The following NOL4 variants were observed in gnomAD, a reference collection of about 807,000 sequenced individuals.
NOL4 encodes cancer/testis antigen 125.
A neutral mutation model predicts 75.9 loss-of-function variants in NOL4; 17 were observed. That is an observed-to-expected ratio of 0.22 (90% CI 0.15 to 0.34). NOL4 has a LOEUF of 0.34. Ranked by LOEUF, NOL4 falls within the 10% of genes least tolerant of loss-of-function variation. The pLI, the probability that NOL4 is intolerant of heterozygous loss-of-function variation, is 1.00. For missense variants in NOL4, 614 were observed against 793.5 expected (o/e 0.77, Z 2.72); for synonymous variants, 292 against 289.9 (o/e 1.01, Z -0.07).
chr18:33,916,703 C>T (rs1000968277), intron 9 of NOL4, among the ~76,000 whole-genome samples: 9 of 152,040 alleles, frequency 5.9e-5, no homozygotes, highest in African/African-American at 1.7e-4. Flanking sequence ...GTAAACAAAA[C>T]GTTGTATAAT....
chr18:34,168,491 G>C (rs2032672699), intron 1 of NOL4, among the ~76,000 whole-genome samples: 1 of 151,316 alleles, frequency 6.6e-6, no homozygotes. Flanking sequence ...GGAAAAGAAA[G>C]TAGGGGGAAG....
intron 6 of NOL4, among the ~76,000 whole-genome samples, chr18:33,961,821 T>C (rs1324743920): frequency 6.6e-6 from 1 of 151,986 alleles, no homozygotes; most frequent in Non-Finnish European, 1.5e-5. Flanking sequence ...AAATGTTGAG[T>C]TTTGGAATCT....
At chr18:34,096,338 A>G (rs933710392) in intron 4 of NOL4, among the ~76,000 whole-genome samples, 3 of 152,092 alleles carry the variant, frequency 2.0e-5, no homozygotes, top group African/African-American at 7.2e-5. Context: ...TTCAATTGTT[A>G]TACTTTTGTT....
intron 6 of NOL4, among the ~76,000 whole-genome samples, chr18:33,969,542 T>C (rs2070874217): frequency 6.6e-6 from 1 of 152,136 alleles, no homozygotes. Flanking sequence ...TTCCACTGTG[T>C]GAAGGGCACA....
chr18:34,215,632 G>A (rs1007950930), intron 1 of NOL4, among the ~76,000 whole-genome samples: 5 of 152,074 alleles, frequency 3.3e-5, no homozygotes, highest in African/African-American at 4.8e-5. Flanking sequence ...GGAGGACCTC[G>A]GATGGGAAAA....
rs577869590 is a variant in NOL4, at chr18:34,094,413, G to A, written c.640-816C>T. ...ATAAATTGCACGGCAACCACAAAGAGGAGTTCTAGGTAAAATTGTGCATGA... is the reference window on the plus strand; with the variant it reads ...ATAAATTGCACGGCAACCACAAAGAAGAGTTCTAGGTAAAATTGTGCATGA... On this transcript the variant is annotated intron_variant, in intron 4 of 10. Transcript: ENST00000261592. Among the ~76,000 whole-genome samples, 9 of 152,214 alleles carry A rather than the reference G, an allele frequency of 5.9e-5. No homozygotes were observed. In the South Asian group the frequency reaches 1.9e-3, roughly 32 times the overall value.
intron 6 of NOL4, among the ~76,000 whole-genome samples, chr18:33,981,263 A>G (rs2145981759): frequency 6.6e-6 from 1 of 151,130 alleles, no homozygotes; most frequent in Admixed American, 6.6e-5. Flanking sequence ...AAAAAGAGAA[A>G]AAACAGAATC....
At chr18:34,210,416 C>CA (rs1352828368) in intron 1 of NOL4, among the ~76,000 whole-genome samples, 1 of 152,166 alleles carries the variant, frequency 6.6e-6, no homozygotes, top group African/African-American at 2.4e-5. Context: ...ATTTTGCACT[C>CA]ATTTTCTCAG....
intron 9 of NOL4, among the ~76,000 whole-genome samples, chr18:33,917,427 C>T (rs1371643957): frequency 6.6e-6 from 1 of 152,026 alleles, no homozygotes; most frequent in African/African-American, 2.4e-5. Context: ...GTGTAAAATG[C>T]TATACAGATA....
chr18:33,867,406 G>T (rs2063485210), intron 10 of NOL4, among the ~76,000 whole-genome samples: 1 of 151,944 alleles, frequency 6.6e-6, no homozygotes, highest in Admixed American at 6.6e-5. Context: ...AATATTTCTG[G>T]AAATAGATTG....
intron 9 of NOL4, among the ~76,000 whole-genome samples, chr18:33,916,180 AT>A (rs1410767549): frequency 6.6e-6 from 1 of 152,116 alleles, no homozygotes; most frequent in African/African-American, 2.4e-5. Flanking sequence ...CTATTTTCTG[AT>A]TGGGGAAAGT....
chr18:34,147,372 T>C (rs1568393475), intron 1 of NOL4, among the ~76,000 whole-genome samples: 1 of 152,078 alleles, frequency 6.6e-6, no homozygotes, highest in Admixed American at 6.6e-5. Context: ...AACAGCTTAT[T>C]ATTTTGAGAT....
At chr18:33,900,742 G>T (rs1395423956) in intron 9 of NOL4, among the ~76,000 whole-genome samples, 2 of 152,160 alleles carry the variant, frequency 1.3e-5, no homozygotes, top group Non-Finnish European at 2.9e-5. Context: ...TATGTTTTCA[G>T]ACATAATTTG....
At chr18:34,095,245 A>ATGTGAGTGTGTGTG (rs2078717694) in intron 4 of NOL4, among the ~76,000 whole-genome samples, 1 of 94,298 alleles carries the variant, frequency 1.1e-5, no homozygotes, top group Non-Finnish European at 2.3e-5. Context: ...CTAAATTCTA[A>ATGTGAGTGTGTGTG]TGTGTATGTG....
chr18:33,863,175 A>T (rs1293299768), intron 10 of NOL4, among the ~76,000 whole-genome samples: 1 of 152,164 alleles, frequency 6.6e-6, no homozygotes, highest in African/African-American at 2.4e-5. Context: ...GCAAGAACAA[A>T]AAACCAAACA....
chr18:33,929,028 T>A (rs887087391), intron 9 of NOL4, among the ~76,000 whole-genome samples: 5 of 152,186 alleles, frequency 3.3e-5, no homozygotes, highest in African/African-American at 1.2e-4. Context: ...AATGGGAAAG[T>A]GATTCCCACA....
chr18:34,170,272 G>T (rs1167230837), intron 1 of NOL4, among the ~76,000 whole-genome samples: 1 of 151,968 alleles, frequency 6.6e-6, no homozygotes, highest in Non-Finnish European at 1.5e-5. Context: ...CTGCCTCCTG[G>T]GTTGAAGCGA....
intron 10 of NOL4, among the ~76,000 whole-genome samples, chr18:33,872,572 C>A (rs1256535283): frequency 6.6e-6 from 1 of 151,868 alleles, no homozygotes; most frequent in Non-Finnish European, 1.5e-5. Flanking sequence ...AAGGCCAGTG[C>A]AATAATGTGA....
chr18:34,125,622 T>C (rs2080348899), intron 2 of NOL4, among the ~76,000 whole-genome samples: 1 of 152,136 alleles, frequency 6.6e-6, no homozygotes, highest in Non-Finnish European at 1.5e-5. Flanking sequence ...TTAAGTGTCC[T>C]AGATATGATA....
Sources: allele counts gnomAD v4.1 joint callset (sites outside exome capture counted in the v4.1 genomes callset), GRCh38; gene constraint gnomAD v4.1.1; transcripts MANE v1.5; gene names NCBI Gene and HGNC (gene_info 2026-07-23, HGNC 2026-07-21).